The following SLC35D1 variants were observed in gnomAD, a reference collection of about 807,000 sequenced individuals.
The protein encoded by SLC35D1 is nucleotide sugar transporter SLC35D1.
In SLC35D1, 31 loss-of-function variants were observed where a neutral mutation model predicts 46.7. The ratio of observed to expected loss-of-function variants is 0.66; its 90% CI spans 0.50 to 0.90. The LOEUF is 0.90. Ranked by LOEUF, SLC35D1 falls within the 40% of genes least tolerant of loss-of-function variation. The pLI is 0.00. For synonymous variants in SLC35D1, 195 were observed against 164.6 expected (o/e 1.18, Z -1.41); for missense variants, 397 against 426.2 (o/e 0.93, Z 0.60).
the SLC35D1 span, among the ~76,000 whole-genome samples, chr1:66,980,122 C>T: frequency 6.6e-6 from 1 of 152,156 alleles, no homozygotes; most frequent in Non-Finnish European, 1.5e-5. Context: ...TATTTATTTC[C>T]AACAATTCCT....
chr1:67,045,489 C>T (rs547826599), intron 7 of SLC35D1, among the ~76,000 whole-genome samples: 1 of 152,304 alleles, frequency 6.6e-6, no homozygotes, highest in Admixed American at 6.5e-5. Context: ...TGGTAAACCT[C>T]TCTGCCTCTA....
downstream of SLC35D1, among the ~76,000 whole-genome samples, chr1:66,994,673 A>G (rs1362743864): frequency 6.6e-6 from 1 of 151,938 alleles, no homozygotes; most frequent in Non-Finnish European, 1.5e-5. Context: ...AAAAAATCCA[A>G]AGTGATAATG....
chr1:67,026,580 T>C (rs970078585), intron 8 of SLC35D1, among the ~76,000 whole-genome samples: 2 of 152,194 alleles, frequency 1.3e-5, no homozygotes, highest in Non-Finnish European at 2.9e-5. Flanking sequence ...AATCAGGGCC[T>C]GAAATTTTAT....
intron 10 of SLC35D1, among the ~76,000 whole-genome samples, chr1:67,012,667 T>G (rs1415563493): frequency 6.6e-6 from 1 of 152,056 alleles, no homozygotes; most frequent in African/African-American, 2.4e-5. Context: ...ATTTTTCTCT[T>G]GACAAAATTA....
chr1:67,026,351 AAC>A (rs1322785630), intron 8 of SLC35D1, among the ~76,000 whole-genome samples: 3 of 152,214 alleles, frequency 2.0e-5, no homozygotes, highest in Non-Finnish European at 4.4e-5. Flanking sequence ...TCCTGAGATA[AAC>A]ACAATATGGT....
the SLC35D1 span, chr1:66,981,751 A>G: frequency 7.8e-6 from 12 of 1,538,262 alleles, no homozygotes; most frequent in Non-Finnish European, 1.1e-5. Flanking sequence ...GCTCTTTTTA[A>G]TATAAAAATT....
At chr1:67,020,280 G>A in intron 10 of SLC35D1, 89 bp downstream of exon 10, 1 of 821,606 alleles carries the variant, frequency 1.2e-6, no homozygotes, top group East Asian at 2.5e-5. Flanking sequence ...TAACGATTTG[G>A]GTCTTAAGGC....
At chr1:66,972,988 TAAAG>T in the SLC35D1 span, 2 of 1,568,136 alleles carry the variant, frequency 1.3e-6, no homozygotes, top group Non-Finnish European at 1.8e-6. Flanking sequence ...TTCAGGCTAA[TAAAG>T]TAAGTAATGA....
chr1:67,011,632 G>A (rs2815350), intron 10 of SLC35D1, among the ~76,000 whole-genome samples: 117,296 of 151,490 alleles, frequency 0.77, 45,656 homozygotes, highest in East Asian at 0.88. Context: ...ACAGGTGTGT[G>A]CCACCATGCC....
chr1:67,032,061 C>G, intron 8 of SLC35D1: 12 of 985,422 alleles, frequency 1.2e-5, no homozygotes, highest in Non-Finnish European at 1.4e-5. Context: ...TAAACAGGCT[C>G]TCTGCCACAA....
chr1:66,984,469 A>G, the SLC35D1 span: 2 of 840,930 alleles, frequency 2.4e-6, no homozygotes, highest in Non-Finnish European at 3.7e-6. Context: ...TATGTATTTG[A>G]TACCTTGCTT....
chr1:67,040,083 C>A (rs1668209715), intron 8 of SLC35D1, among the ~76,000 whole-genome samples: 1 of 151,810 alleles, frequency 6.6e-6, no homozygotes, highest in African/African-American at 2.4e-5. Flanking sequence ...CAGCCTCGAC[C>A]TCCTGGGCTC....
intron 6 of SLC35D1, among the ~76,000 whole-genome samples, chr1:67,048,419 T>TAGGA (rs1364520281): frequency 6.6e-6 from 1 of 152,134 alleles, no homozygotes; most frequent in African/African-American, 2.4e-5. Flanking sequence ...AAAAGAAAGG[T>TAGGA]AGGAGGCTAG....
At chr1:66,993,868 T>C in the SLC35D1 span, among the ~76,000 whole-genome samples, 2 of 152,216 alleles carry the variant, frequency 1.3e-5, no homozygotes, top group African/African-American at 2.4e-5. Context: ...ACTTCAAATA[T>C]TACCTTTTTG....
chr1:67,036,688 T>C (rs1668129813), intron 8 of SLC35D1, among the ~76,000 whole-genome samples: 2 of 150,280 alleles, frequency 1.3e-5, no homozygotes, highest in African/African-American at 4.9e-5. Context: ...GTGTGTGTCT[T>C]GTAAGCAACA....
chr1:67,041,790 A>G (rs1482489167), intron 8 of SLC35D1, among the ~76,000 whole-genome samples: 1 of 152,170 alleles, frequency 6.6e-6, no homozygotes, highest in Non-Finnish European at 1.5e-5. Flanking sequence ...GAAAAAAAAA[A>G]CAAGTTGGGA....
the SLC35D1 span, among the ~76,000 whole-genome samples, chr1:66,993,738 T>C: frequency 1.3e-5 from 2 of 152,182 alleles, no homozygotes; most frequent in African/African-American, 4.8e-5. Flanking sequence ...CTTTAAAGGA[T>C]TGTTTAGAGG....
chr1:67,036,709 T>C (rs1668130698), intron 8 of SLC35D1, among the ~76,000 whole-genome samples: 2 of 89,670 alleles, frequency 2.2e-5, no homozygotes. Context: ...GATCACTGGG[T>C]CTTTTTTTTT....
chr1:66,997,681 A>G (rs1423606445), downstream of SLC35D1, among the ~76,000 whole-genome samples: 5 of 95,058 alleles, frequency 5.3e-5, no homozygotes, highest in Non-Finnish European at 1.0e-4. Flanking sequence ...TACAGAAATC[A>G]AAAATATATT....
Sources: allele counts gnomAD v4.1 joint callset (sites outside exome capture counted in the v4.1 genomes callset), GRCh38; gene constraint gnomAD v4.1.1; transcripts MANE v1.5; gene names NCBI Gene and HGNC (gene_info 2026-07-23, HGNC 2026-07-21).